Variants in MRO observed in about 807,000 individuals in gnomAD.
MRO encodes maestro.
A neutral mutation model predicts 31.0 loss-of-function variants in MRO; 28 were observed. The observed-to-expected ratio is 0.90, with a 90% CI of 0.67 to 1.24. The LOEUF is 1.24. MRO is among the 50% of genes most tolerant of loss of function. The pLI is 0.00. For synonymous variants in MRO, 108 were observed against 108.4 expected, an observed-to-expected ratio of 1.00 and a Z score of 0.02; for missense variants, 332 against 289.2, an observed-to-expected ratio of 1.15 and a Z score of -1.07.
In MRO at chr18:50,803,365, GGC is replaced by G. The variant is rs1913591516; in HGVS notation, c.429+1787_429+1788del. Among the ~76,000 whole-genome samples, 3 of 152,166 alleles carry G rather than the reference GGC, an allele frequency of 2.0e-5. No individual in the cohort carries two copies. The East Asian group carries it at 5.8e-4, about 29-fold the overall frequency. On this transcript the variant is annotated intron_variant, in intron 5 of 7. Transcript: ENST00000398439. The stretch of plus-strand genomic sequence containing the variant: ...CTACAAAAACTACGAAAATTAGCCA[GGC>G]ACAGTGGCATGCACTTGTGGTCCCA...
At chr18:50,814,485 G>T in intron 2 of MRO, 1 of 178,832 alleles carries the variant, frequency 5.6e-6, no homozygotes, top group South Asian at 1.3e-4. Context: ...ACCATTTTGA[G>T]GAATGGGGCA....
intron 2 of MRO, among the ~76,000 whole-genome samples, chr18:50,817,412 G>A (rs1345979687): frequency 6.6e-6 from 1 of 152,026 alleles, no homozygotes; most frequent in Admixed American, 6.6e-5. Context: ...AGCATCCCTT[G>A]AGCCCAGGAG....
upstream of MRO, among the ~76,000 whole-genome samples, chr18:50,824,454 T>C (rs1008986136): frequency 2.1e-5 from 3 of 146,052 alleles, no homozygotes; most frequent in African/African-American, 2.5e-5. Context: ...TTTTTTTTTT[T>C]CTTTCTTTTT....
At chr18:50,821,826 T>C (rs12954156), upstream of MRO, among the ~76,000 whole-genome samples, 7,879 of 152,364 alleles carry the variant, frequency 0.052, 272 homozygotes, top group Non-Finnish European at 0.081. Context: ...CTGGAATTGA[T>C]ATCCAGGAGC....
At chr18:50,801,714 C>T (rs944491483) in intron 5 of MRO, among the ~76,000 whole-genome samples, 23 of 152,090 alleles carry the variant, frequency 1.5e-4, no homozygotes, top group African/African-American at 5.3e-4. Context: ...TTGAAGAGGG[C>T]CCAAAGGCTT....
chr18:50,806,068 C>A (rs1235319015), intron 4 of MRO, among the ~76,000 whole-genome samples: 1 of 151,932 alleles, frequency 6.6e-6, no homozygotes, highest in African/African-American at 2.4e-5. Context: ...AGATTGCAGG[C>A]ACATGCCACC....
chr18:50,811,032 C>T (rs933149970), intron 2 of MRO, among the ~76,000 whole-genome samples: 1 of 151,984 alleles, frequency 6.6e-6, no homozygotes, highest in African/African-American at 2.4e-5. Context: ...AGAGGCAGAG[C>T]GTATATGACA....
intron 2 of MRO, among the ~76,000 whole-genome samples, chr18:50,810,136 T>G (rs1030776419): frequency 1.3e-5 from 2 of 152,196 alleles, no homozygotes; most frequent in African/African-American, 4.8e-5. Flanking sequence ...AATTAATTTT[T>G]ATTTTTTTTT....
intron 2 of MRO, among the ~76,000 whole-genome samples, chr18:50,817,801 T>C (rs1175377012): frequency 6.6e-6 from 1 of 152,226 alleles, no homozygotes; most frequent in Non-Finnish European, 1.5e-5. Context: ...TGAAGCACTT[T>C]GAATTTCACT....
intron 2 of MRO, among the ~76,000 whole-genome samples, chr18:50,812,613 A>G (rs1914564874): frequency 6.6e-6 from 1 of 152,144 alleles, no homozygotes; most frequent in Non-Finnish European, 1.5e-5. Flanking sequence ...ATTTACCCCT[A>G]TATGTTCTTT....
rs1157578731 is a variant in MRO, at chr18:50,797,672, A to G, written c.*1665T>C. 6.6e-6 allele frequency: 1 copy of G among 152,176 alleles called. No individual in the cohort carries two copies. Among genetic ancestry groups the G allele is most frequent in the Non-Finnish European group, 1.5e-5 (1 of 68,080 alleles). The allele number at this position is 152,176 out of a possible 1,614,324, so 9.4% of individuals were successfully genotyped here. On this transcript the variant is annotated 3_prime_UTR_variant, in exon 8 of 8. Transcript: ENST00000398439. ...CCAGCCACATGCAGCCATTTCTCAG[A>G]CCACTCACTGATCACTTAATGGAAC...
At chr18:50,803,590 C>T (rs923785748) in intron 5 of MRO, among the ~76,000 whole-genome samples, 11 of 152,214 alleles carry the variant, frequency 7.2e-5, no homozygotes, top group Non-Finnish European at 1.0e-4. Context: ...GCCATCTCCC[C>T]GGAGACATCT....
rs921284369 is a variant in MRO at position 50,795,517 on chromosome 18, T to C, written c.*3820A>G. 2.6e-5 allele frequency: 4 copies of C among 152,256 alleles called. No homozygotes were observed. The highest frequency in any genetic ancestry group is 7.2e-5 in the African/African-American group (3 of 41,468). The allele number at this position is 152,256 out of a possible 1,614,324, so 9.4% of individuals were successfully genotyped here. ...GAAGCGTTCCCCCAATTAAGTGGTC[T>C]ATTAACTGGAAGTTCACAGGCTTCT... On this transcript the variant is annotated 3_prime_UTR_variant, in exon 8 of 8. Transcript: ENST00000398439.
At chr18:50,820,468 C>T (rs1002541207), upstream of MRO, among the ~76,000 whole-genome samples, 9 of 152,162 alleles carry the variant, frequency 5.9e-5, no homozygotes, top group Non-Finnish European at 1.3e-4. Context: ...AATTAGTTAT[C>T]GTCTCGCTCT....
intron 2 of MRO, chr18:50,816,106 G>T (rs2586771): frequency 6.6e-6 from 1 of 152,536 alleles, no homozygotes; most frequent in Non-Finnish European, 1.5e-5. Flanking sequence ...AAGAAGTTTT[G>T]GGAAAGCAGC....
chr18:50,819,464 G>A, intron 2 of MRO, 117 bp downstream of exon 2: 1 of 1,460,924 alleles, frequency 6.8e-7, no homozygotes, highest in South Asian at 1.4e-5. Flanking sequence ...CTACCCCCTA[G>A]AGGTCGAGCT....
upstream of MRO, among the ~76,000 whole-genome samples, chr18:50,822,442 G>A (rs989954209): frequency 6.6e-6 from 1 of 152,032 alleles, no homozygotes; most frequent in African/African-American, 2.4e-5. Flanking sequence ...AGGTTCAAGC[G>A]AATCTTACGC....
At chr18:50,823,292 C>G (rs1172903586), upstream of MRO, among the ~76,000 whole-genome samples, 1 of 152,196 alleles carries the variant, frequency 6.6e-6, no homozygotes, top group Non-Finnish European at 1.5e-5. Flanking sequence ...AAACAAAGGT[C>G]TTTTGGCTGC....
At chr18:50,804,173 G>A (rs1314241043) in intron 5 of MRO, among the ~76,000 whole-genome samples, 2 of 150,888 alleles carry the variant, frequency 1.3e-5, no homozygotes, top group Non-Finnish European at 3.0e-5. Flanking sequence ...AAGATTATAT[G>A]AGATGATTCA....
Sources: gnomAD v4.1 joint callset for allele counts (sites outside exome capture counted in the v4.1 genomes callset) on GRCh38, gnomAD v4.1.1 for gene constraint, MANE v1.5 for transcripts, NCBI Gene and HGNC (gene_info 2026-07-23, HGNC 2026-07-21) for gene names.